The following NBEAL1 variants were observed in gnomAD, a reference collection of about 807,000 sequenced individuals.
NBEAL1 encodes neurobeachin-like protein 1.
A neutral mutation model predicts 351.3 loss-of-function variants in NBEAL1; 273 were observed. The observed-to-expected ratio is 0.78, with a 90% CI of 0.70 to 0.86. The LOEUF (loss-of-function observed/expected upper bound fraction) is 0.86. Ranked by LOEUF, NBEAL1 falls within the 40% of genes least tolerant of loss-of-function variation. NBEAL1 has a pLI of 0.00. For missense variants in NBEAL1, 2,961 were observed against 3,201.3 expected, an observed-to-expected ratio of 0.92 and a Z score of 1.81; for synonymous variants, 1,050 against 1,086.4, an observed-to-expected ratio of 0.97 and a Z score of 0.66.
At chr2:203,140,481 T>C (rs1314997745) in intron 31 of NBEAL1, among the ~76,000 whole-genome samples, 4 of 152,096 alleles carry the variant, frequency 2.6e-5, no homozygotes, top group African/African-American at 9.7e-5. Flanking sequence ...CTTACTATTA[T>C]ATAAAACTCA....
intron 18 of NBEAL1, among the ~76,000 whole-genome samples, chr2:203,119,424 C>CTTTTTTGTTTTTTTT (rs2062776654): frequency 1.5e-5 from 1 of 66,656 alleles, no homozygotes; most frequent in African/African-American, 5.7e-5. Context: ...CGGCCTGTTG[C>CTTTTTTGTTTTTTTT]TTTTTTTTTT....
chr2:203,183,270 A>T lies in NBEAL1; in HGVS notation c.6596-9A>T, dbSNP rs765756914. ...ATGATTTGATACATTTTCTTTTTAC[A>T]TGTCTTAGAATTTAACTTGGGTCGT... is the stretch of plus-strand genomic sequence containing the variant. On this transcript the variant is annotated splice_polypyrimidine_tract_variant and intron_variant, in intron 43 of 55. Transcript: ENST00000683969. The T allele has an allele frequency of 6.9e-7, 1 of 1,444,912 alleles. No homozygotes were observed. Among genetic ancestry groups the T allele is most frequent in the Non-Finnish European group, 9.5e-7 (1 of 1,049,006 alleles). The allele number at this position is 1,444,912 out of a possible 1,614,324, so 89.5% of individuals were successfully genotyped here. A position where few individuals can be genotyped will look rare whatever the true frequency, so the allele number is the denominator to read the frequency against.
At position 203,223,349 on chromosome 2, in the gene NBEAL1, CA is replaced by C. The variant is rs2065970097; in HGVS notation, c.*5997del. On this transcript the variant is annotated 3_prime_UTR_variant, in exon 56 of 56. Transcript: ENST00000683969. ...TTGGAAACATATTTTGCAAATATAA[CA>C]ATAATAGTAATAACACAATTTTGTC... 6.6e-6 allele frequency among the ~76,000 whole-genome samples: 1 copy of C among 151,948 alleles called. No individual in the cohort carries two copies. Among genetic ancestry groups the C allele is most frequent in the Admixed American group, 6.6e-5 (1 of 15,246 alleles).
chr2:203,070,687 G>A (rs898279493), intron 7 of NBEAL1, among the ~76,000 whole-genome samples: 4 of 152,160 alleles, frequency 2.6e-5, no homozygotes, highest in Admixed American at 2.6e-4. Flanking sequence ...ACTGCAGAAG[G>A]CAAAGCAGGA....
At chr2:203,031,533 G>A (rs2060949379) in intron 2 of NBEAL1, among the ~76,000 whole-genome samples, 1 of 152,090 alleles carries the variant, frequency 6.6e-6, no homozygotes, top group African/African-American at 2.4e-5. Flanking sequence ...CTACTACCAG[G>A]TTTGCACATG....
intron 7 of NBEAL1, among the ~76,000 whole-genome samples, chr2:203,069,637 A>G (rs1464090503): frequency 2.0e-5 from 3 of 152,174 alleles, no homozygotes; most frequent in Non-Finnish European, 4.4e-5. Context: ...TGTATATTGT[A>G]TGCTTGTAAA....
At position 203,149,151 on chromosome 2, in the gene NBEAL1, A is replaced by G. The variant is rs1469335578; in HGVS notation, c.5462+3A>G. ...GAAAGGGGACCTTGGGCTAAAAGGT[A>G]AGAGGATATAATTTTATTAAGTACT... On this transcript the variant is annotated splice_donor_region_variant and intron_variant, in intron 34 of 55. Coordinates refer to ENST00000683969, the MANE Select transcript of NBEAL1 (RefSeq NM_001378026.1). 6.3e-7 allele frequency: 1 copy of G among 1,581,050 alleles called. No individual in the cohort carries two copies. The highest frequency in any genetic ancestry group is 2.2e-5 in the East Asian group (1 of 44,522).
At chr2:203,041,989 G>C (rs2061149773) in intron 3 of NBEAL1, 133 bp downstream of exon 3, 6 of 655,762 alleles carry the variant, frequency 9.1e-6, no homozygotes, top group East Asian at 2.7e-5. Flanking sequence ...TATTCTCATA[G>C]AGACATAGCT....
At chr2:203,041,057 C>G (rs2061133337) in intron 2 of NBEAL1, among the ~76,000 whole-genome samples, 1 of 152,190 alleles carries the variant, frequency 6.6e-6, no homozygotes, top group African/African-American at 2.4e-5. Flanking sequence ...TGGCAAGCAC[C>G]TCTCATCACA....
In NBEAL1 at chr2:203,218,499, G is replaced by A. The variant is rs1465270371; in HGVS notation, c.*1145G>A. 1.3e-5 allele frequency: 2 copies of A among 152,110 alleles called. No individual in the cohort carries two copies. The highest frequency in any genetic ancestry group is 2.9e-5 in the Non-Finnish European group (2 of 67,996). 9.4% of individuals were successfully genotyped at this position (152,110 alleles called of 1,614,324 possible). ...TTAATCTGAGATTTCATGTGTTTGG[G>A]AGAACTTGTGAATCCCTCTGAAATT... On this transcript the variant is annotated 3_prime_UTR_variant, in exon 56 of 56. Coordinates refer to ENST00000683969, the MANE Select transcript of NBEAL1 (RefSeq NM_001378026.1).
At chr2:203,109,708 C>T (rs1452967781) in intron 14 of NBEAL1, among the ~76,000 whole-genome samples, 3 of 151,922 alleles carry the variant, frequency 2.0e-5, no homozygotes, top group Admixed American at 6.6e-5. Context: ...TTAGTAGAGA[C>T]GGGGTTTCAC....
chr2:203,056,794 C>T (rs932941912), intron 5 of NBEAL1, among the ~76,000 whole-genome samples: 11 of 152,350 alleles, frequency 7.2e-5, no homozygotes, highest in South Asian at 2.1e-4. Context: ...TCTCAAACTC[C>T]TGACCTCAGG....
chr2:203,194,902 A>G (rs1455686450), intron 47 of NBEAL1, among the ~76,000 whole-genome samples: 1 of 152,202 alleles, frequency 6.6e-6, no homozygotes, highest in African/African-American at 2.4e-5. Flanking sequence ...GAGTTTTATA[A>G]CAGTTAAAGC....
At chr2:203,082,093 T>C (rs1273888702) in intron 8 of NBEAL1, among the ~76,000 whole-genome samples, 5 of 151,896 alleles carry the variant, frequency 3.3e-5, no homozygotes. Flanking sequence ...TCTGAAAAAA[T>C]AAAAAACAAA....
Position 203,217,968 on chromosome 2 carries a change from A to G in NBEAL1, c.*614A>G. On this transcript the variant is annotated 3_prime_UTR_variant, in exon 56 of 56. Coordinates refer to ENST00000683969, the MANE Select transcript of NBEAL1 (RefSeq NM_001378026.1). ...TGAAATCTATTACTGTCCTTAATAA[A>G]AATTGAGTAGAAAAAAGTGGAACTA... 1.1e-6 allele frequency: 1 copy of G among 919,750 alleles called. No homozygotes were observed. 57.0% of individuals were successfully genotyped at this position (919,750 alleles called of 1,614,324 possible).
intron 6 of NBEAL1, among the ~76,000 whole-genome samples, chr2:203,065,142 C>T (rs2061560201): frequency 6.6e-6 from 1 of 152,046 alleles, no homozygotes; most frequent in South Asian, 2.1e-4. Flanking sequence ...ACCTATGATC[C>T]TAGCTTTGCA....
intron 39 of NBEAL1, 99 bp downstream of exon 39, chr2:203,169,950 C>A: frequency 1.3e-6 from 1 of 743,268 alleles, no homozygotes. Flanking sequence ...AACTGCTGTT[C>A]TTCCATTCAG....
chr2:203,121,587 G>A (rs1020115786), intron 18 of NBEAL1, among the ~76,000 whole-genome samples: 1 of 151,184 alleles, frequency 6.6e-6, no homozygotes, highest in Non-Finnish European at 1.5e-5. Flanking sequence ...GGGAGGCAGA[G>A]GTTGCAGTGA....
chr2:203,191,538 A>T (rs1222852218), intron 46 of NBEAL1, among the ~76,000 whole-genome samples: 1 of 152,118 alleles, frequency 6.6e-6, no homozygotes, highest in Non-Finnish European at 1.5e-5. Context: ...TGTAGAATGT[A>T]CAAAAAAATA....
Sources: gnomAD v4.1 joint callset for allele counts (sites outside exome capture counted in the v4.1 genomes callset) on GRCh38, gnomAD v4.1.1 for gene constraint, MANE v1.5 for transcripts, NCBI Gene and HGNC (gene_info 2026-07-23, HGNC 2026-07-21) for gene names.